The following RBM47 variants were observed in gnomAD, a reference collection of about 807,000 sequenced individuals.
The protein encoded by RBM47 is RNA-binding protein 47.
Under a neutral mutation model 47.1 loss-of-function variants are expected in RBM47, and 21 were observed. The ratio of observed to expected loss-of-function variants is 0.45; its 90% CI spans 0.32 to 0.64. The LOEUF (loss-of-function observed/expected upper bound fraction) is 0.64. RBM47 is among the 30% of genes least tolerant of loss of function. RBM47 has a pLI of 0.05. For missense variants in RBM47, 708 were observed against 870.9 expected (o/e 0.81, Z 2.35); for synonymous variants, 375 against 361.7 (o/e 1.04, Z -0.42).
At chr4:40,627,010 T>G (rs1737806012) in intron 1 of RBM47, among the ~76,000 whole-genome samples, 1 of 152,240 alleles carries the variant, frequency 6.6e-6, no homozygotes, top group Admixed American at 6.5e-5. Flanking sequence ...CTTTATCCAG[T>G]TGCTCTTTGA....
chr4:40,451,184 C>CAAA (rs958122281), intron 3 of RBM47, among the ~76,000 whole-genome samples: 15 of 51,398 alleles, frequency 2.9e-4, no homozygotes, highest in Non-Finnish European at 4.0e-4. Context: ...CAGTAGCTAC[C>CAAA]AAAAAAAAAA....
At chr4:40,584,330 A>G (rs1321324838) in intron 1 of RBM47, among the ~76,000 whole-genome samples, 1 of 151,778 alleles carries the variant, frequency 6.6e-6, no homozygotes, top group Non-Finnish European at 1.5e-5. Flanking sequence ...GCTGGTAAAA[A>G]CCCTGTGAGC....
chr4:40,592,446 CAG>C (rs1342524294), intron 1 of RBM47, among the ~76,000 whole-genome samples: 1 of 142,060 alleles, frequency 7.0e-6, no homozygotes, highest in Non-Finnish European at 1.5e-5. Flanking sequence ...TTTTTTAAGA[CAG>C]AGTTTCGCTC....
chr4:40,544,909 A>G (rs1728869880), intron 1 of RBM47, among the ~76,000 whole-genome samples: 2 of 152,112 alleles, frequency 1.3e-5, no homozygotes, highest in Non-Finnish European at 2.9e-5. Flanking sequence ...TATCTCTACA[A>G]AAAAATTTAA....
chr4:40,561,852 C>T (rs1015137129), intron 1 of RBM47, among the ~76,000 whole-genome samples: 12 of 151,946 alleles, frequency 7.9e-5, no homozygotes, highest in African/African-American at 2.2e-4. Flanking sequence ...GCCTGGCCTC[C>T]GTTGTCTTAA....
intron 1 of RBM47, among the ~76,000 whole-genome samples, chr4:40,624,566 A>C (rs1311162760): frequency 3.3e-5 from 5 of 152,230 alleles, no homozygotes; most frequent in African/African-American, 1.2e-4. Flanking sequence ...GATCATCCTC[A>C]TGGAGAAATA....
In RBM47 at chr4:40,629,620, G is replaced by C. The variant is rs911322647; in HGVS notation, c.-464C>G. On this transcript the variant is annotated 5_prime_UTR_variant, in exon 1 of 7. Transcript: ENST00000295971. ...AGGCTCTGGGAATTCCAGTGGGTCA[G>C]AATTGCTTAACCTTGGAGACTTGCA... 1.3e-5 allele frequency: 2 copies of C among 152,272 alleles called. No individual in the cohort carries two copies. The highest frequency in any genetic ancestry group is 2.9e-5 in the Non-Finnish European group (2 of 68,086). 9.4% of individuals were successfully genotyped at this position (152,272 alleles called of 1,614,324 possible).
intron 2 of RBM47, among the ~76,000 whole-genome samples, chr4:40,505,890 A>C (rs934677362): frequency 6.7e-6 from 1 of 149,842 alleles, no homozygotes; most frequent in Non-Finnish European, 1.5e-5. Flanking sequence ...CTGTCTCAAA[A>C]AAAACAAAAC....
chr4:40,551,649 C>CTT (rs59601849), intron 1 of RBM47, among the ~76,000 whole-genome samples: 70 of 134,632 alleles, frequency 5.2e-4, no homozygotes, highest in South Asian at 1.7e-3. Flanking sequence ...GCGTACTTTT[C>CTT]TTTTTTTTTT....
chr4:40,512,218 C>G (rs1725026767), intron 2 of RBM47, among the ~76,000 whole-genome samples: 1 of 151,776 alleles, frequency 6.6e-6, no homozygotes, highest in Non-Finnish European at 1.5e-5. Flanking sequence ...GTCAGGAGTT[C>G]AAGACCAGTC....
chr4:40,536,026 T>C (rs552413691), intron 2 of RBM47, among the ~76,000 whole-genome samples: 99 of 152,358 alleles, frequency 6.5e-4, no homozygotes, highest in Admixed American at 2.5e-3. Context: ...CAATGCCCAC[T>C]TCATTCTTTG....
At chr4:40,477,083 T>C (rs1719722816) in intron 2 of RBM47, among the ~76,000 whole-genome samples, 1 of 152,022 alleles carries the variant, frequency 6.6e-6, no homozygotes, top group Non-Finnish European at 1.5e-5. Context: ...CTCGGAAGGC[T>C]GAGGCATGAG....
chr4:40,612,651 T>G (rs182137078), intron 1 of RBM47, among the ~76,000 whole-genome samples: 38 of 152,362 alleles, frequency 2.5e-4, no homozygotes, highest in Non-Finnish European at 2.2e-4. Flanking sequence ...TTTTGTGACC[T>G]TAAATGAACT....
intron 1 of RBM47, among the ~76,000 whole-genome samples, chr4:40,612,086 G>A (rs960427856): frequency 3.3e-5 from 5 of 152,198 alleles, no homozygotes; most frequent in African/African-American, 1.2e-4. Context: ...GTAGAAGTCT[G>A]AAAGTGAGCT....
At chr4:40,548,349 C>T (rs976832842) in intron 1 of RBM47, among the ~76,000 whole-genome samples, 24 of 152,274 alleles carry the variant, frequency 1.6e-4, no homozygotes, top group Middle Eastern at 3.4e-3. Context: ...CAGGGGAGAG[C>T]AACAGGACGT....
Position 40,432,826 on chromosome 4 carries a change from A to C in RBM47, c.1367T>G (p.Phe456Cys). ...IPAIGAQYSM[F>C]PAAPAPKMIE... ...CATTTTAGGGGCTGGAGCTGCTGGA[A>C]ACATGGAATACTGAGCCCCAATGGC... The change falls in exon 6 of 7, where the codon TTT becomes TGT. Residue 456 changes from phenylalanine to cysteine, a missense_variant. By Grantham distance (205) the Phe-to-Cys change is radical (BLOSUM62 -2). Coordinates refer to ENST00000295971, the MANE Select transcript of RBM47 (RefSeq NM_001098634.2). The C allele has an allele frequency of 1.2e-6, 2 of 1,613,862 alleles. No homozygotes were observed. The highest frequency in any genetic ancestry group is 1.7e-6 in the Non-Finnish European group (2 of 1,179,972).
chr4:40,619,063 A>G (rs879652388), intron 1 of RBM47, among the ~76,000 whole-genome samples: 2 of 152,002 alleles, frequency 1.3e-5, no homozygotes, highest in Non-Finnish European at 2.9e-5. Context: ...AGACCATAAC[A>G]GAGGCAGGTA....
At chr4:40,517,537 A>G (rs1202646055) in intron 2 of RBM47, among the ~76,000 whole-genome samples, 2 of 152,226 alleles carry the variant, frequency 1.3e-5, no homozygotes, top group African/African-American at 2.4e-5. Context: ...TTGATAAAAA[A>G]AAGTTTGAAG....
At chr4:40,606,841 TAAAAAC>T (rs1299363589) in intron 1 of RBM47, among the ~76,000 whole-genome samples, 1 of 152,012 alleles carries the variant, frequency 6.6e-6, no homozygotes, top group East Asian at 1.9e-4. Flanking sequence ...TCCTCTCTAC[TAAAAAC>T]AAAAACAAAA....
Sources: gnomAD v4.1 joint callset for allele counts (sites outside exome capture counted in the v4.1 genomes callset) on GRCh38, gnomAD v4.1.1 for gene constraint, MANE v1.5 for transcripts, NCBI Gene and HGNC (gene_info 2026-07-23, HGNC 2026-07-21) for gene names.